Variants in PATJ observed in about 807,000 individuals in gnomAD.
PATJ encodes PATJ crumbs cell polarity complex component.
Under a neutral mutation model 224.9 loss-of-function variants are expected in PATJ, and 190 were observed. That is an observed-to-expected ratio of 0.84 (90% confidence interval 0.75 to 0.95). The LOEUF (loss-of-function observed/expected upper bound fraction) is 0.95, where lower values mean the gene tolerates loss of function less well. PATJ is among the 40% of genes least tolerant of loss of function. The probability of loss-of-function intolerance (pLI) is 0.00; values close to 1 mark genes in which losing one functional copy is unlikely to be tolerated. For synonymous variants in PATJ, 769 were observed against 820.3 expected, an observed-to-expected ratio of 0.94 and a Z score of 1.07; for missense variants, 2,121 against 2,270.3, an observed-to-expected ratio of 0.93 and a Z score of 1.34.
chr1:61,801,876 CAT>C, intron 12 of PATJ, 107 bp downstream of exon 12: 11 of 708,156 alleles, frequency 1.6e-5, no homozygotes, highest in Non-Finnish European at 2.3e-5. Context: ...ATTTTGGAGA[CAT>C]AAAATAGGAT....
chr1:61,822,102 C>T (rs1222483255), intron 14 of PATJ, among the ~76,000 whole-genome samples: 1 of 152,066 alleles, frequency 6.6e-6, no homozygotes, highest in Non-Finnish European at 1.5e-5. Context: ...TGGATTAGTT[C>T]AAATAACATT....
At chr1:61,910,181 T>A (rs192240361) in intron 25 of PATJ, among the ~76,000 whole-genome samples, 151 of 152,324 alleles carry the variant, frequency 9.9e-4, no homozygotes, top group African/African-American at 3.5e-3. Context: ...TAATTTTGAA[T>A]GAGAATGAGC....
At chr1:62,096,039 C>T (rs2148814549) in intron 33 of PATJ, among the ~76,000 whole-genome samples, 1 of 152,112 alleles carries the variant, frequency 6.6e-6, no homozygotes. Flanking sequence ...GGACAGAACC[C>T]CAGAACTATG....
chr1:62,074,488 C>G (rs1419809373), intron 31 of PATJ, among the ~76,000 whole-genome samples: 1 of 151,792 alleles, frequency 6.6e-6, no homozygotes, highest in East Asian at 1.9e-4. Context: ...GGCTGGAGTA[C>G]AGTAGTGCAA....
At chr1:61,780,771 A>G (rs1647210487) in intron 7 of PATJ, among the ~76,000 whole-genome samples, 1 of 152,182 alleles carries the variant, frequency 6.6e-6, no homozygotes, top group Non-Finnish European at 1.5e-5. Context: ...CTGAGCTTTT[A>G]AAATACTAAC....
intron 23 of PATJ, among the ~76,000 whole-genome samples, 166 bp from the exon 24 acceptor site, chr1:61,901,116 G>GATAAC (rs1671095496): frequency 6.6e-6 from 1 of 152,096 alleles, no homozygotes; most frequent in African/African-American, 2.4e-5. Context: ...ATGAATTATT[G>GATAAC]ATAACATAAT....
At chr1:61,868,242 A>G (rs747686057) in intron 20 of PATJ, among the ~76,000 whole-genome samples, 8 of 152,238 alleles carry the variant, frequency 5.3e-5, no homozygotes, top group African/African-American at 1.7e-4. Context: ...CATGGCCACC[A>G]TGTTGCTACA....
At position 62,091,205 on chromosome 1, in the gene PATJ, C is replaced by T. The variant is rs567356808; in HGVS notation, c.4377+6557C>T. On this transcript the variant is annotated intron_variant, in intron 33 of 43. Transcript: ENST00000642238. ...CTAGGACCCTCTTTCTATGCATTTTCCTTCCCTGATACCATTGCCAGAGAT... is the reference window on the plus strand; with the variant it reads ...CTAGGACCCTCTTTCTATGCATTTTTCTTCCCTGATACCATTGCCAGAGAT... Among the ~76,000 whole-genome samples, 5 of 152,268 alleles carry T rather than the reference C, an allele frequency of 3.3e-5. No homozygotes were observed. The South Asian group carries it at 1.0e-3, about 32-fold the overall frequency.
At chr1:61,918,894 G>C (rs1673855165) in intron 26 of PATJ, among the ~76,000 whole-genome samples, 1 of 151,994 alleles carries the variant, frequency 6.6e-6, no homozygotes, top group Non-Finnish European at 1.5e-5. Flanking sequence ...GCCAGGGAAG[G>C]CCGCAGTGAG....
intron 27 of PATJ, among the ~76,000 whole-genome samples, chr1:61,953,040 G>C (rs1396850212): frequency 6.6e-6 from 1 of 152,140 alleles, no homozygotes; most frequent in Non-Finnish European, 1.5e-5. Flanking sequence ...CGTTAGGGGT[G>C]GGGGCTCAGC....
chr1:61,976,547 C>T (rs112813317), intron 27 of PATJ, among the ~76,000 whole-genome samples: 12,593 of 151,886 alleles, frequency 0.083, 1,626 homozygotes, highest in African/African-American at 0.26. Context: ...GATGGGATTA[C>T]AGGCACCCAC....
In PATJ at chr1:62,147,146, G is replaced by A. The variant is rs530976554; in HGVS notation, c.5272-1138G>A. Among the ~76,000 whole-genome samples, 4 of 152,256 alleles carry A rather than the reference G, an allele frequency of 2.6e-5. No homozygotes were observed. In the East Asian group the frequency reaches 7.7e-4, roughly 29 times the overall value. ...TTCAGGGATTATCATCACTTAGATGGCATTTACATTCATGAGATGGATGGG... is the reference window on the plus strand; with the variant it reads ...TTCAGGGATTATCATCACTTAGATGACATTTACATTCATGAGATGGATGGG... On this transcript the variant is annotated intron_variant, in intron 41 of 43. Coordinates refer to ENST00000642238, the MANE Select transcript of PATJ (RefSeq NM_001350145.3).
At chr1:62,087,985 G>A (rs1412984912) in intron 33 of PATJ, among the ~76,000 whole-genome samples, 2 of 151,014 alleles carry the variant, frequency 1.3e-5, no homozygotes, top group African/African-American at 2.4e-5. Context: ...TCCGCCTCCC[G>A]GGTTCAAGCG....
intron 17 of PATJ, among the ~76,000 whole-genome samples, chr1:61,841,256 G>A (rs921596124): frequency 1.5e-4 from 23 of 151,888 alleles, no homozygotes; most frequent in Non-Finnish European, 2.9e-5. Flanking sequence ...TGGGGGGAGG[G>A]CATTAGGACT....
At chr1:62,020,944 A>G (rs6660358) in intron 29 of PATJ, among the ~76,000 whole-genome samples, 22,924 of 151,904 alleles carry the variant, frequency 0.15, 1,856 homozygotes, top group Middle Eastern at 0.24. Context: ...TCATGCCTCA[A>G]TCTCCCGAGT....
At chr1:61,763,668 T>A (rs1036188226) in intron 3 of PATJ, among the ~76,000 whole-genome samples, 2 of 150,510 alleles carry the variant, frequency 1.3e-5, no homozygotes, top group East Asian at 3.9e-4. Flanking sequence ...ATATATTTTC[T>A]TTTTATTTTG....
intron 27 of PATJ, among the ~76,000 whole-genome samples, chr1:61,946,581 T>C (rs1678748980): frequency 6.6e-6 from 1 of 152,120 alleles, no homozygotes; most frequent in Non-Finnish European, 1.5e-5. Flanking sequence ...ATTAATAGCC[T>C]ACCAACCAAA....
At chr1:62,106,121 A>ACATACACAC (rs1558176204) in intron 33 of PATJ, among the ~76,000 whole-genome samples, 5 of 31,308 alleles carry the variant, frequency 1.6e-4, no homozygotes, top group Non-Finnish European at 2.8e-4. Flanking sequence ...CACACACACA[A>ACATACACAC]ACACACATAT....
intron 27 of PATJ, among the ~76,000 whole-genome samples, chr1:61,969,752 G>A (rs1682681018): frequency 1.3e-5 from 2 of 152,118 alleles, no homozygotes; most frequent in Admixed American, 6.6e-5. Context: ...GGAGTGCAGT[G>A]GTGTGATCTC....
Sources: gnomAD v4.1 joint callset for allele counts (sites outside exome capture counted in the v4.1 genomes callset) on GRCh38, gnomAD v4.1.1 for gene constraint, MANE v1.5 for transcripts, NCBI Gene and HGNC (gene_info 2026-07-23, HGNC 2026-07-21) for gene names.